The following ERMN variants were observed in gnomAD, a reference collection of about 807,000 sequenced individuals.
The protein encoded by ERMN is ermin, ERM-like protein.
Under a neutral mutation model 21.4 loss-of-function variants are expected in ERMN, and 17 were observed. The ratio of observed to expected loss-of-function variants is 0.80; its 90% confidence interval spans 0.54 to 1.19. ERMN has a LOEUF of 1.19. Ranked by LOEUF, ERMN falls within the 50% of genes most tolerant of loss-of-function variation. The probability of loss-of-function intolerance (pLI) is 0.00; values close to 1 mark genes in which losing one functional copy is unlikely to be tolerated. For missense variants in ERMN, 348 were observed against 331.6 expected (o/e 1.05, Z -0.38); for synonymous variants, 115 against 111.9 (o/e 1.03, Z -0.17).
At chr2:157,326,012 C>A, upstream of ERMN, 1 of 954,546 alleles carries the variant, frequency 1.0e-6, no homozygotes, top group Non-Finnish European at 1.3e-6. Context: ...TTCAGCTTGT[C>A]AGTCCCCCTC....
chr2:157,325,494 T>C lies in ERMN; in HGVS notation c.149A>G (p.Glu50Gly). 7 of 1,614,182 alleles carry C rather than the reference T, an allele frequency of 4.3e-6. No individual in the cohort carries two copies. Among genetic ancestry groups the C allele is most frequent in the Non-Finnish European group, 5.9e-6 (7 of 1,180,016 alleles). The change falls in exon 1 of 3, where the codon GAA (glutamate) becomes GGA (glycine). Residue 50 changes from glutamate to glycine, a missense_variant. Physicochemically the swap from Glu to Gly is moderately conservative, Grantham distance 98 (BLOSUM62 -2). Coordinates refer to ENST00000410096, the MANE Select transcript of ERMN (RefSeq NM_020711.3). ...LPHYRVEPSL[E>G]GALTKGSQEE... ...CTGACTTCCTTTGGTGAGTGCACCT[T>C]CCAGACTGGGTTCTACCCTGTAGTG...
upstream of ERMN, chr2:157,327,558 T>A: frequency 1.3e-6 from 1 of 746,868 alleles, no homozygotes; most frequent in Admixed American, 1.8e-5. Flanking sequence ...ATTAAGGAGT[T>A]CAGCTAGTAA....
At chr2:157,321,834 A>G in intron 2 of ERMN, 43 bp from the exon 3 acceptor site, 1 of 1,502,996 alleles carries the variant, frequency 6.7e-7, no homozygotes, top group Non-Finnish European at 8.9e-7. Context: ...TAGAGATTCC[A>G]AAATACCCAG....
chr2:157,321,469 T>G lies in ERMN; in HGVS notation c.657A>C (p.Glu219Asp), dbSNP rs1683897958. 2 of 1,613,986 alleles carry G rather than the reference T, an allele frequency of 1.2e-6. No individual in the cohort carries two copies. Among genetic ancestry groups the G allele is most frequent in the African/African-American group, 2.7e-5 (2 of 74,894 alleles). Reference sequence around the variant, plus strand: ...GTGGGGAGTCCTCACTTGCATCACCTTCCTCTTTAAATTGAGAAACCTCTT... The same window carrying G: ...GTGGGGAGTCCTCACTTGCATCACCGTCCTCTTTAAATTGAGAAACCTCTT... ...KHEEVSQFKE[E>D]GDASEDSPLS... Residue 219 changes from glutamate (E) to aspartate (D), a missense_variant, in exon 3 of 3, where the codon GAA (glutamate) becomes GAC (aspartate). Physicochemically the swap from Glu to Asp is conservative, Grantham distance 45 (BLOSUM62 2). Coordinates refer to ENST00000410096, the MANE Select transcript of ERMN (RefSeq NM_020711.3).
chr2:157,321,814 A>G lies in ERMN; in HGVS notation c.335-23T>C, dbSNP rs373348133. On this transcript the variant is annotated intron_variant, in intron 2 of 2. Coordinates refer to ENST00000410096, the MANE Select transcript of ERMN (RefSeq NM_020711.3). Reference sequence around the variant, plus strand: ...GCCCTGTAGCAAAATCAATTGGTAGATGAGATGTGTAGAGATTCCAAAATA... The same window carrying G: ...GCCCTGTAGCAAAATCAATTGGTAGGTGAGATGTGTAGAGATTCCAAAATA... 3.8e-6 allele frequency: 6 copies of G among 1,578,722 alleles called. No individual in the cohort carries two copies. In the African/African-American group the frequency reaches 6.8e-5, roughly 18 times the overall value.
upstream of ERMN, among the ~76,000 whole-genome samples, chr2:157,326,190 C>A (rs1306319934): frequency 6.6e-6 from 1 of 152,164 alleles, no homozygotes; most frequent in Non-Finnish European, 1.5e-5. Context: ...TCAAGTAAAA[C>A]CTCAGCTATT....
At chr2:157,327,610 C>G (rs747663540), upstream of ERMN, 51 of 668,402 alleles carry the variant, frequency 7.6e-5, 1 homozygote, top group Non-Finnish European at 1.3e-4. Context: ...GTTTGCAGCA[C>G]AGATGAAGCT....
In ERMN at chr2:157,324,770, A is replaced by C. The variant is rs765583096; in HGVS notation, c.242-8T>G. Reference sequence around the variant, plus strand: ...GTTTCTCTTCTGGGTTTTCTAGGAAAAAAATATAAAATCAGTATTTTAACA... The same window carrying C: ...GTTTCTCTTCTGGGTTTTCTAGGAACAAAATATAAAATCAGTATTTTAACA... On this transcript the variant is annotated splice_region_variant and splice_polypyrimidine_tract_variant and intron_variant, in intron 1 of 2. Transcript: ENST00000410096. 1 of 1,575,812 alleles carries C rather than the reference A, an allele frequency of 6.3e-7. No homozygotes were observed. The highest frequency in any genetic ancestry group is 1.2e-5 in the South Asian group (1 of 86,934).
At chr2:157,326,824 C>T (rs1472912305), upstream of ERMN, among the ~76,000 whole-genome samples, 1 of 152,064 alleles carries the variant, frequency 6.6e-6, no homozygotes, top group Admixed American at 6.6e-5. Context: ...TCTCTAACCG[C>T]CAGGATTAGG....
At chr2:157,323,846 A>G (rs1683980318) in intron 2 of ERMN, among the ~76,000 whole-genome samples, 1 of 152,320 alleles carries the variant, frequency 6.6e-6, no homozygotes, top group South Asian at 2.1e-4. Context: ...TTCTTAAAGA[A>G]CACAATTAAA....
chr2:157,320,029 C>T lies in ERMN; in HGVS notation c.*1242G>A, dbSNP rs1377076770. On this transcript the variant is annotated 3_prime_UTR_variant, in exon 3 of 3. Coordinates refer to ENST00000410096, the MANE Select transcript of ERMN (RefSeq NM_020711.3). ...TTGTCTTTTTATTTGCAGGGCAAAA[C>T]AAAATCTTTATCTGTGGTGATAGAA... 1.3e-5 allele frequency: 2 copies of T among 152,010 alleles called. No individual in the cohort carries two copies. The highest frequency in any genetic ancestry group is 2.9e-5 in the Non-Finnish European group (2 of 67,974). 9.4% of individuals were successfully genotyped at this position (152,010 alleles called of 1,614,324 possible). A position where few individuals can be genotyped will look rare whatever the true frequency, so the allele number is the denominator to read the frequency against.
At position 157,321,448 on chromosome 2, in the gene ERMN, G is replaced by A. The variant is rs377398423; in HGVS notation, c.678C>T (p.Ser226=). ...CTTGGGAACTGGCACTGCTCAGTGGGGAGTCCTCACTTGCATCACCTTCCT... is the reference window on the plus strand; with the variant it reads ...CTTGGGAACTGGCACTGCTCAGTGGAGAGTCCTCACTTGCATCACCTTCCT... The part of the protein sequence containing the change: ...FKEEGDASED[S]PLSSASSQAV... The change falls in exon 3 of 3, where the codon TCC becomes TCT. Residue 226 remains serine, a synonymous_variant. Transcript: ENST00000410096. 9 of 1,613,918 alleles carry A rather than the reference G, an allele frequency of 5.6e-6. No homozygotes were observed. In the African/African-American group the frequency reaches 9.3e-5, roughly 17 times the overall value.
chr2:157,323,942 C>T (rs750684160), intron 2 of ERMN, among the ~76,000 whole-genome samples: 20 of 152,096 alleles, frequency 1.3e-4, no homozygotes, highest in South Asian at 2.1e-4. Flanking sequence ...TAAATCATTT[C>T]GTGAGATTAC....
At chr2:157,322,128 T>C (rs1461736942) in intron 2 of ERMN, among the ~76,000 whole-genome samples, 1 of 151,798 alleles carries the variant, frequency 6.6e-6, no homozygotes, top group Non-Finnish European at 1.5e-5. Flanking sequence ...GTGAGACTGG[T>C]GTTCCCTGAG....
rs868206545 is a variant in ERMN, at chr2:157,325,605, C to T, written c.38G>A (p.Cys13Tyr). Residue 13 changes from cysteine to tyrosine, a missense_variant, in exon 1 of 3, where the codon TGT becomes TAT. Coordinates refer to ENST00000410096, the MANE Select transcript of ERMN (RefSeq NM_020711.3). ...DVPATFTQAE[C>Y]NGDKPPENGQ... ...GTTTTCAGGTGGTTTATCCCCATTA[C>T]ACTCAGCCTGGGTAAATGTAGCCGG... 1 of 1,614,042 alleles carries T rather than the reference C, an allele frequency of 6.2e-7. No homozygotes were observed. The highest frequency in any genetic ancestry group is 8.5e-7 in the Non-Finnish European group (1 of 1,180,026).
chr2:157,326,798 C>A (rs2105192389), upstream of ERMN, among the ~76,000 whole-genome samples: 1 of 152,270 alleles, frequency 6.6e-6, no homozygotes, highest in East Asian at 1.9e-4. Flanking sequence ...TAAATATCAT[C>A]TCCTTAACTA....
At chr2:157,323,095 G>A (rs984979007) in intron 2 of ERMN, among the ~76,000 whole-genome samples, 2 of 152,094 alleles carry the variant, frequency 1.3e-5, no homozygotes, top group Admixed American at 6.5e-5. Flanking sequence ...CCTCTATTAT[G>A]GAGGAAAAAC....
At position 157,325,572 on chromosome 2, in the gene ERMN, T is replaced by A. The variant is rs1330072969; in HGVS notation, c.71A>T (p.Gln24Leu). 1 of 1,614,062 alleles carries A rather than the reference T, an allele frequency of 6.2e-7. No individual in the cohort carries two copies. Among genetic ancestry groups the A allele is most frequent in the African/African-American group, 1.3e-5 (1 of 74,908 alleles). Residue 24 changes from glutamine to leucine, a missense_variant, in exon 1 of 3, where the codon CAA (glutamine) becomes CTA (leucine). By Grantham distance (113) the Gln-to-Leu change is moderately radical. Transcript: ENST00000410096. Reference sequence around the variant, plus strand: ...TTCCTCACTGATTTTAGTGATTGTTTGTTGACCGTTTTCAGGTGGTTTATC... The same window carrying A: ...TTCCTCACTGATTTTAGTGATTGTTAGTTGACCGTTTTCAGGTGGTTTATC... ...NGDKPPENGQQTITKISEELT... is the reference protein window; with the variant it reads ...NGDKPPENGQLTITKISEELT...
At chr2:157,326,962 G>A (rs534025666), upstream of ERMN, among the ~76,000 whole-genome samples, 1 of 152,186 alleles carries the variant, frequency 6.6e-6, no homozygotes, top group East Asian at 1.9e-4. Context: ...CATCTGGCGA[G>A]GGGCCAGTTT....
Sources: gnomAD v4.1 joint callset for allele counts (sites outside exome capture counted in the v4.1 genomes callset) on GRCh38, gnomAD v4.1.1 for gene constraint, MANE v1.5 for transcripts, NCBI Gene and HGNC (gene_info 2026-07-23, HGNC 2026-07-21) for gene names.